TENM2: variants seen among roughly 807,000 people sequenced by gnomAD.
TENM2 encodes teneurin transmembrane protein 2, also known as teneurin-2.
Under a neutral mutation model 245.2 loss-of-function variants are expected in TENM2, and 52 were observed. That is an observed-to-expected ratio of 0.21 (90% CI 0.17 to 0.27). The LOEUF is 0.27. TENM2 is among the 10% of genes least tolerant of loss of function. The probability of loss-of-function intolerance (pLI) is 1.00; values close to 1 mark genes in which losing one functional copy is unlikely to be tolerated. For synonymous variants in TENM2, 1,363 were observed against 1,438.9 expected, an observed-to-expected ratio of 0.95 and a Z score of 1.19; for missense variants, 3,046 against 3,666.8, an observed-to-expected ratio of 0.83 and a Z score of 4.37.
chr5:167,896,137 C>T (rs1463736817), intron 3 of TENM2, among the ~76,000 whole-genome samples: 1 of 152,210 alleles, frequency 6.6e-6, no homozygotes, highest in Non-Finnish European at 1.5e-5. Flanking sequence ...GCCCTCCCCA[C>T]CTGGGCTAGA....
intron 2 of TENM2, among the ~76,000 whole-genome samples, chr5:167,440,637 T>C (rs1221023390): frequency 1.3e-5 from 2 of 152,286 alleles, no homozygotes; most frequent in Non-Finnish European, 1.5e-5. Flanking sequence ...AAAGGCACTA[T>C]GTAATATGAA....
the TENM2 span, among the ~76,000 whole-genome samples, chr5:167,265,861 T>C: frequency 6.6e-6 from 1 of 152,166 alleles, no homozygotes; most frequent in Non-Finnish European, 1.5e-5. Context: ...GGAAAAAATA[T>C]TATGATCGAC....
chr5:167,057,088 C>A, the TENM2 span, among the ~76,000 whole-genome samples: 9 of 152,090 alleles, frequency 5.9e-5, no homozygotes, highest in African/African-American at 2.2e-4. Flanking sequence ...AGCTCAGATA[C>A]TATTTCTTAA....
At chr5:167,800,351 A>G (rs1238478494) in intron 2 of TENM2, among the ~76,000 whole-genome samples, 2 of 152,188 alleles carry the variant, frequency 1.3e-5, no homozygotes, top group Non-Finnish European at 2.9e-5. Context: ...GATGTCGTTT[A>G]CTTCAGGTCT....
intron 2 of TENM2, among the ~76,000 whole-genome samples, chr5:167,785,312 A>G (rs116501904): frequency 0.013 from 1,995 of 152,278 alleles, 43 homozygotes; most frequent in African/African-American, 0.045. Flanking sequence ...TCAATGATCT[A>G]TTAATATGCA....
the TENM2 span, among the ~76,000 whole-genome samples, chr5:167,106,012 G>T: frequency 6.7e-6 from 1 of 148,758 alleles, no homozygotes; most frequent in Non-Finnish European, 1.5e-5. Context: ...GATGTGAATC[G>T]ACAGAGTTTT....
chr5:167,591,714 G>T (rs1191346195), intron 2 of TENM2, among the ~76,000 whole-genome samples: 1 of 152,160 alleles, frequency 6.6e-6, no homozygotes, highest in Non-Finnish European at 1.5e-5. Context: ...ACAGTATCCT[G>T]CAGGGGCTTG....
intron 4 of TENM2, among the ~76,000 whole-genome samples, chr5:167,986,478 G>A (rs1263353340): frequency 1.3e-5 from 2 of 152,144 alleles, no homozygotes; most frequent in Admixed American, 6.5e-5. Flanking sequence ...GACTGGGAAG[G>A]GAAAGAAGTG....
intron 12 of TENM2, chr5:168,129,963 T>C: frequency 6.6e-6 from 1 of 152,338 alleles, no homozygotes. Context: ...TGGGAGTTAG[T>C]GTTGGACACT....
intron 2 of TENM2, among the ~76,000 whole-genome samples, chr5:167,517,842 G>A (rs1402705391): frequency 2.0e-5 from 3 of 152,054 alleles, no homozygotes; most frequent in Non-Finnish European, 2.9e-5. Context: ...TGCACCTGGT[G>A]ATGAGGGGGG....
chr5:167,138,853 C>A, the TENM2 span, among the ~76,000 whole-genome samples: 1 of 152,112 alleles, frequency 6.6e-6, no homozygotes, highest in Non-Finnish European at 1.5e-5. Context: ...AAACTCCTGA[C>A]CTTAGGTGAT....
At chr5:167,431,755 T>G (rs1764234051) in intron 2 of TENM2, among the ~76,000 whole-genome samples, 1 of 151,708 alleles carries the variant, frequency 6.6e-6, no homozygotes, top group Admixed American at 6.6e-5. Context: ...CCACCCAGTG[T>G]TTTTTAAAAA....
At chr5:167,973,885 G>C (rs1045307056) in intron 4 of TENM2, among the ~76,000 whole-genome samples, 3 of 151,814 alleles carry the variant, frequency 2.0e-5, no homozygotes, top group Non-Finnish European at 1.5e-5. Context: ...GTACACAAAG[G>C]CATGTTACGG....
Position 168,062,274 on chromosome 5 carries a change from A to G in TENM2, c.1515+9A>G. ...CACCATCTCATGCCCAGGTATGACCATGTTTGATGTAATCAAGCATTTAAA... is the reference window on the plus strand; with the variant it reads ...CACCATCTCATGCCCAGGTATGACCGTGTTTGATGTAATCAAGCATTTAAA... On this transcript the variant is annotated intron_variant, in intron 7 of 28. Transcript: ENST00000518659. 1.9e-6 allele frequency: 3 copies of G among 1,610,224 alleles called. No individual in the cohort carries two copies. Among genetic ancestry groups the G allele is most frequent in the Non-Finnish European group, 2.5e-6 (3 of 1,176,856 alleles).
intron 2 of TENM2, among the ~76,000 whole-genome samples, chr5:167,421,087 G>A (rs1763476823): frequency 6.6e-6 from 1 of 152,164 alleles, no homozygotes; most frequent in Non-Finnish European, 1.5e-5. Context: ...TTGTAAAGGT[G>A]TTTTGAGGTC....
chr5:168,134,930 G>A (rs914932326), intron 12 of TENM2, among the ~76,000 whole-genome samples: 1 of 152,314 alleles, frequency 6.6e-6, no homozygotes, highest in East Asian at 1.9e-4. Flanking sequence ...TGTAGAAGAA[G>A]GAAGCTGGCA....
intron 27 of TENM2, among the ~76,000 whole-genome samples, chr5:168,257,487 G>T (rs1767773852): frequency 6.6e-6 from 1 of 152,234 alleles, no homozygotes; most frequent in Admixed American, 6.5e-5. Context: ...GAGCATGGGA[G>T]ATGTGGTCAG....
At chr5:167,776,323 A>G (rs1483637827) in intron 2 of TENM2, among the ~76,000 whole-genome samples, 2 of 151,954 alleles carry the variant, frequency 1.3e-5, no homozygotes, top group African/African-American at 2.4e-5. Flanking sequence ...TAGGCCAGGC[A>G]TGGTGGCTCA....
At chr5:167,292,668 G>T (rs927258842) in intron 1 of TENM2, among the ~76,000 whole-genome samples, 1 of 152,202 alleles carries the variant, frequency 6.6e-6, no homozygotes, top group Non-Finnish European at 1.5e-5. Flanking sequence ...ACTGCAATTT[G>T]TGGGACACAA....
Sources: gnomAD v4.1 joint callset for allele counts (sites outside exome capture counted in the v4.1 genomes callset) on GRCh38, gnomAD v4.1.1 for gene constraint, MANE v1.5 for transcripts, NCBI Gene and HGNC (gene_info 2026-07-23, HGNC 2026-07-21) for gene names.